The following DLL4 variants were observed in gnomAD, a reference collection of about 807,000 sequenced individuals.
DLL4 encodes delta-like protein 4.
In DLL4, 7 loss-of-function variants were observed where a neutral mutation model predicts 73.6. The observed-to-expected ratio is 0.10, with a 90% CI of 0.05 to 0.18. The LOEUF (loss-of-function observed/expected upper bound fraction) is 0.18, where lower values mean the gene tolerates loss of function less well. Ranked by LOEUF, DLL4 falls within the 10% of genes least tolerant of loss-of-function variation. The probability of loss-of-function intolerance (pLI) is 1.00; values close to 1 mark genes in which losing one functional copy is unlikely to be tolerated. For missense variants in DLL4, 614 were observed against 929.9 expected (o/e 0.66, Z 4.42); for synonymous variants, 345 against 374.3 (o/e 0.92, Z 0.90).
rs372529945 is a variant in DLL4, at chr15:40,930,615, C to T, written c.337-10C>T. On this transcript the variant is annotated splice_polypyrimidine_tract_variant and intron_variant, in intron 2 of 10. Transcript: ENST00000249749. This position sits in a 1 kb window ranked among gnomAD's most constrained non-coding sequence, Gnocchi z 5.7. Reference sequence around the variant, plus strand: ...TCGCCATCTCTCCGTCCCCCCACCCCCTTTCCCAGGGTACCTTCTCGCTCA... The same window carrying T: ...TCGCCATCTCTCCGTCCCCCCACCCTCTTTCCCAGGGTACCTTCTCGCTCA... The T allele has an allele frequency of 1.2e-6, 2 of 1,613,622 alleles. No individual in the cohort carries two copies. The highest frequency in any genetic ancestry group is 2.7e-5 in the African/African-American group (2 of 74,952).
chr15:40,930,561 G>A lies in DLL4; in HGVS notation c.337-64G>A. On this transcript the variant is annotated intron_variant, in intron 2 of 10. Transcript: ENST00000249749. This position sits in a 1 kb window ranked among gnomAD's most constrained non-coding sequence, Gnocchi z 5.7. ...GATTAATTAAACAGGCTGCCGCAAG[G>A]CACCCCCACCTCTCCCCGCTTGCTC... 7.4e-7 allele frequency: 1 copy of A among 1,355,934 alleles called. No individual in the cohort carries two copies. 84.0% of individuals were successfully genotyped at this position (1,355,934 alleles called of 1,614,324 possible).
rs1892772139 is a variant in DLL4, at chr15:40,931,609, G to A, written c.501G>A (p.Leu167=). The change falls in exon 4 of 11, where the codon CTG becomes CTA. Residue 167 remains leucine (L), a synonymous_variant. Transcript: ENST00000249749. Reference sequence around the variant, plus strand: ...AGCAAACCAGCACCCTCACAAGGCTGCGCTACTCTTACCGGGTCATCTGCA... The same window carrying A: ...AGCAAACCAGCACCCTCACAAGGCTACGCTACTCTTACCGGGTCATCTGCA... ...LDEQTSTLTR[L]RYSYRVICSD... is the part of the protein sequence containing the mutation. The A allele has an allele frequency of 6.2e-7, 1 of 1,613,282 alleles. No individual in the cohort carries two copies.
Position 40,930,510 on chromosome 15 carries a change from G to T in DLL4, c.337-115G>T. On this transcript the variant is annotated intron_variant, in intron 2 of 10. Coordinates refer to ENST00000249749, the MANE Select transcript of DLL4 (RefSeq NM_019074.4). This position sits in a 1 kb window ranked among gnomAD's most constrained non-coding sequence, Gnocchi z 5.7. ...TGCACAGCCCCGTTATGTTGACCCG[G>T]GCGCAGTAACTGAATCCTGCAATTA... The T allele has an allele frequency of 1.2e-6, 1 of 868,434 alleles. No individual in the cohort carries two copies. Among genetic ancestry groups the T allele is most frequent in the Non-Finnish European group, 1.9e-6 (1 of 531,276 alleles). The allele number at this position is 868,434 out of a possible 1,614,324, so 53.8% of individuals were successfully genotyped here.
intron 9 of DLL4, among the ~76,000 whole-genome samples, 188 bp downstream of exon 9, chr15:40,937,118 CAT>C (rs1025738413): frequency 2.6e-5 from 4 of 152,246 alleles, no homozygotes; most frequent in Non-Finnish European, 4.4e-5. Flanking sequence ...TTCATTCACA[CAT>C]GTCAAGTGTC....
Position 40,938,175 on chromosome 15 carries a change from C to A in DLL4, c.*141C>A. On this transcript the variant is annotated 3_prime_UTR_variant, in exon 11 of 11. Coordinates refer to ENST00000249749, the MANE Select transcript of DLL4 (RefSeq NM_019074.4). ...GGAGGAGGGAATGGCAGGAACCGGA[C>A]AGACTGTGAACTTGCCAAGAGATGC... 1 of 967,904 alleles carries A rather than the reference C, an allele frequency of 1.0e-6. No homozygotes were observed. Among genetic ancestry groups the A allele is most frequent in the Non-Finnish European group, 1.4e-6 (1 of 694,816 alleles). The allele number at this position is 967,904 out of a possible 1,614,324, so 60.0% of individuals were successfully genotyped here.
In DLL4 at chr15:40,937,492, C is replaced by G. The variant is rs1566879980; in HGVS notation, c.2018C>G (p.Ser673Ter). ...DSMYQSVCLISEERNECVIAT... is the reference protein window; with the variant it reads ...DSMYQSVCLI ...ATGTACCAGTCTGTGTGTTTGATATCAGAGGAGAGGAATGAATGTGTCATT... is the reference window on the plus strand; with the variant it reads ...ATGTACCAGTCTGTGTGTTTGATATGAGAGGAGAGGAATGAATGTGTCATT... Residue 673 changes from serine to a stop codon, truncating the protein, a stop_gained, in exon 10 of 11, where the codon TCA (serine) becomes TGA (stop). Coordinates refer to ENST00000249749, the MANE Select transcript of DLL4 (RefSeq NM_019074.4). LOFTEE classifies it high-confidence loss of function. 1 of 1,613,536 alleles carries G rather than the reference C, an allele frequency of 6.2e-7. No homozygotes were observed. The highest frequency in any genetic ancestry group is 8.5e-7 in the Non-Finnish European group (1 of 1,179,416).
At chr15:40,932,039 G>T in intron 4 of DLL4, 132 bp from the exon 5 acceptor site, 1 of 1,076,654 alleles carries the variant, frequency 9.3e-7, no homozygotes. Flanking sequence ...AAGACACTCG[G>T]GGCTCCTCTG....
chr15:40,929,655 C>A lies in DLL4; in HGVS notation c.-14C>A, dbSNP rs1204910559. 2.6e-6 allele frequency: 4 copies of A among 1,522,840 alleles called. No homozygotes were observed. The highest frequency in any genetic ancestry group is 3.5e-6 in the Non-Finnish European group (4 of 1,145,382). The allele number at this position is 1,522,840 out of a possible 1,614,324, so 94.3% of individuals were successfully genotyped here. On this transcript the variant is annotated 5_prime_UTR_variant, in exon 1 of 11. Transcript: ENST00000249749. This position sits in a 1 kb window ranked among gnomAD's most constrained non-coding sequence, Gnocchi z 7.1. The stretch of plus-strand genomic sequence containing the variant: ...ATTGAGGGCCCGCGGGTGGAGAGAG[C>A]GACGCCCGAGGGGATGGCGGCAGCG...
chr15:40,932,778 C>G (rs756340730), intron 6 of DLL4, among the ~76,000 whole-genome samples: 2 of 152,156 alleles, frequency 1.3e-5, no homozygotes. Flanking sequence ...TCTTTCAACC[C>G]CGTAGTTACC....
Position 40,931,442 on chromosome 15 carries a change from C to G in DLL4, c.395-61C>G. 5.9e-6 allele frequency: 9 copies of G among 1,538,050 alleles called. No individual in the cohort carries two copies. The South Asian group carries it at 9.6e-5, about 16-fold the overall frequency. ...CACAGCCAAGAAGGACATTGGCCAG[C>G]CGTCACTGGCACCCTTGGGGACTGG... is the stretch of plus-strand genomic sequence containing the variant. On this transcript the variant is annotated intron_variant, in intron 3 of 10. Coordinates refer to ENST00000249749, the MANE Select transcript of DLL4 (RefSeq NM_019074.4).
chr15:40,929,788 C>T lies in DLL4; in HGVS notation c.66+54C>T, dbSNP rs1749680231. The T allele has an allele frequency of 6.2e-7, 1 of 1,607,200 alleles. No individual in the cohort carries two copies. ...CTCTGCCGCGCTCTGGGCCTCAGCC[C>T]CGGGCACCAGCTGAGCTGACCGGTC... On this transcript the variant is annotated intron_variant, in intron 1 of 10. Coordinates refer to ENST00000249749, the MANE Select transcript of DLL4 (RefSeq NM_019074.4). This position sits in a 1 kb window ranked among gnomAD's most constrained non-coding sequence, Gnocchi z 7.1.
At position 40,932,086 on chromosome 15, in the gene DLL4, G is replaced by A. The variant is rs1273725341; in HGVS notation, c.659-85G>A. 2.7e-6 allele frequency: 4 copies of A among 1,495,808 alleles called. No homozygotes were observed. The Admixed American group carries it at 5.3e-5, about 20-fold the overall frequency. 92.7% of individuals were successfully genotyped at this position (1,495,808 alleles called of 1,614,324 possible). The stretch of plus-strand genomic sequence containing the variant: ...GTAGGAAGAGGGCCCAGGAGAGCTA[G>A]GGGATCCCCAGGGCCAGCAGGTGAG... On this transcript the variant is annotated intron_variant, in intron 4 of 10. Coordinates refer to ENST00000249749, the MANE Select transcript of DLL4 (RefSeq NM_019074.4).
rs1892736008 is a variant in DLL4, at chr15:40,929,724, T to A, written c.56T>A (p.Leu19His). 1 of 1,599,060 alleles carries A rather than the reference T, an allele frequency of 6.3e-7. No homozygotes were observed. Among genetic ancestry groups the A allele is most frequent in the Admixed American group, 1.7e-5 (1 of 57,926 alleles). Residue 19 changes from leucine (L) to histidine (H), a missense_variant, in exon 1 of 11, where the codon CTT (leucine) becomes CAT (histidine). Leu to His is a moderately conservative substitution (Grantham distance 99, BLOSUM62 -3). Around this residue, in one of 3 missense-constraint regions of DLL4, gnomAD observed 227 missense variants for 370.8 expected, o/e 0.61. Coordinates refer to ENST00000249749, the MANE Select transcript of DLL4 (RefSeq NM_019074.4). This position sits in a 1 kb window ranked among gnomAD's most constrained non-coding sequence, Gnocchi z 7.1. ...SGWALLLLVA[L>H]WQQRAAGSGV... is the part of the protein sequence containing the mutation. ...TGGGCGCTACTGCTGCTGGTGGCAC[T>A]TTGGCAGCAGGTAACACGTCCCGCG...
chr15:40,932,143 C>T (rs771392013), intron 4 of DLL4, 28 bp from the exon 5 acceptor site: 7 of 1,613,842 alleles, frequency 4.3e-6, no homozygotes, highest in Non-Finnish European at 5.9e-6. Context: ...GTATCCCAGC[C>T]TCACCCAGCT....
chr15:40,929,521 G>C lies in DLL4; in HGVS notation c.-148G>C. On this transcript the variant is annotated 5_prime_UTR_variant, in exon 1 of 11. Coordinates refer to ENST00000249749, the MANE Select transcript of DLL4 (RefSeq NM_019074.4). The surrounding 1 kb of genome is among the most constrained non-coding windows in gnomAD (Gnocchi z 7.1). The stretch of plus-strand genomic sequence containing the variant: ...ATTACCTACAGCGGCAGCTGCAGCG[G>C]AGCCAGCGAGAAGGCCAAAGGGGAG... 3 of 730,310 alleles carry C rather than the reference G, an allele frequency of 4.1e-6. No individual in the cohort carries two copies. The highest frequency in any genetic ancestry group is 2.0e-5 in the South Asian group (1 of 49,730). 45.2% of individuals were successfully genotyped at this position (730,310 alleles called of 1,614,324 possible). A position where few individuals can be genotyped will look rare whatever the true frequency, so the allele number is the denominator to read the frequency against.
Position 40,936,598 on chromosome 15 carries a change from G to T in DLL4, c.1611G>T (p.Gly537=). 1 of 1,609,710 alleles carries T rather than the reference G, an allele frequency of 6.2e-7. No individual in the cohort carries two copies. Among genetic ancestry groups the T allele is most frequent in the Non-Finnish European group, 8.5e-7 (1 of 1,178,676 alleles). Residue 537 remains glycine (G), a synonymous_variant, in exon 9 of 11, where the codon GGG becomes GGT. Coordinates refer to ENST00000249749, the MANE Select transcript of DLL4 (RefSeq NM_019074.4). ...FPWVAVSLGV[G]LAVLLVLLGM... ...GGGTGGCCGTCTCGCTGGGTGTGGG[G>T]CTGGCAGTGCTGCTGGTACTGCTGG... is the stretch of plus-strand genomic sequence containing the variant.
At chr15:40,936,173 C>A in intron 8 of DLL4, 55 bp from the exon 9 acceptor site, 1 of 1,456,210 alleles carries the variant, frequency 6.9e-7, no homozygotes, top group South Asian at 1.4e-5. Flanking sequence ...CTCCCACCCC[C>A]TGCCCCAGGG....
At chr15:40,931,797 G>A (rs1892774889) in intron 4 of DLL4, 31 bp downstream of exon 4, 2 of 1,610,756 alleles carry the variant, frequency 1.2e-6, no homozygotes, top group African/African-American at 2.7e-5. Flanking sequence ...CTGTGTGGAA[G>A]GGGAGGGTCC....
intron 3 of DLL4, 23 bp from the exon 4 acceptor site, chr15:40,931,480 G>A (rs752308618): frequency 1.3e-6 from 2 of 1,599,470 alleles, no homozygotes; most frequent in South Asian, 1.1e-5. Flanking sequence ...ACCCTTCCCT[G>A]ACCCGACCCT....
Sources: gnomAD v4.1 joint callset for allele counts (sites outside exome capture counted in the v4.1 genomes callset) on GRCh38, gnomAD v4.1.1 for gene constraint, gnomAD v4.1.1 regional missense constraint, Gnocchi (gnomAD v3.1) non-coding constraint, MANE v1.5 for transcripts, NCBI Gene and HGNC (gene_info 2026-07-23, HGNC 2026-07-21) for gene names.